The following PLCG2 variants were observed in gnomAD, a reference collection of about 807,000 sequenced individuals.
PLCG2 encodes the protein 1-phosphatidylinositol 4,5-bisphosphate phosphodiesterase gamma-2.
A neutral mutation model predicts 175.6 loss-of-function variants in PLCG2; 69 were observed. The ratio of observed to expected loss-of-function variants is 0.39; its 90% CI spans 0.32 to 0.48. The LOEUF (loss-of-function observed/expected upper bound fraction) is 0.48, where lower values mean the gene tolerates loss of function less well. Ranked by LOEUF, PLCG2 falls within the 20% of genes least tolerant of loss-of-function variation. The pLI is 0.91. For synonymous variants in PLCG2, 827 were observed against 624.0 expected, an observed-to-expected ratio of 1.33 and a Z score of -4.85; for missense variants, 1,798 against 1,650.9, an observed-to-expected ratio of 1.09 and a Z score of -1.54.
chr16:81,783,796 C>G (rs983934077), intron 1 of PLCG2, among the ~76,000 whole-genome samples: 5 of 151,896 alleles, frequency 3.3e-5, no homozygotes, highest in African/African-American at 9.7e-5. Context: ...TTGGGTTTCT[C>G]CTGATAAGGT....
intron 2 of PLCG2, among the ~76,000 whole-genome samples, chr16:81,810,713 A>T (rs2143291816): frequency 6.6e-6 from 1 of 151,146 alleles, no homozygotes; most frequent in South Asian, 2.1e-4. Context: ...TTTCTCATTA[A>T]TTCATTCTTC....
chr16:81,869,512 T>C (rs534747933), intron 6 of PLCG2, among the ~76,000 whole-genome samples: 29 of 152,330 alleles, frequency 1.9e-4, no homozygotes, highest in African/African-American at 7.0e-4. Flanking sequence ...AGACCATGTT[T>C]ACTGAGCTCT....
intron 1 of PLCG2, among the ~76,000 whole-genome samples, chr16:81,753,012 C>G (rs1251642176): frequency 6.6e-6 from 1 of 152,276 alleles, no homozygotes; most frequent in East Asian, 1.9e-4. Context: ...TGGTACACAG[C>G]AAGTGCTTAA....
chr16:81,833,488 T>A (rs2143394806), intron 2 of PLCG2, among the ~76,000 whole-genome samples: 1 of 150,672 alleles, frequency 6.6e-6, no homozygotes, highest in African/African-American at 2.4e-5. Context: ...GGTAAAAGGA[T>A]ACTCCTGCCT....
chr16:81,834,506 G>T (rs939738727), intron 2 of PLCG2, among the ~76,000 whole-genome samples: 1 of 152,166 alleles, frequency 6.6e-6, no homozygotes, highest in Admixed American at 6.6e-5. Flanking sequence ...GATGATAATG[G>T]TAGTTACTTA....
At chr16:81,772,436 G>T (rs978041764) in intron 2 of PLCG2, among the ~76,000 whole-genome samples, 1 of 152,058 alleles carries the variant, frequency 6.6e-6, no homozygotes, top group Non-Finnish European at 1.5e-5. Flanking sequence ...AAGTCACCAA[G>T]TTCATGGTAA....
chr16:81,825,634 G>C (rs191883610), intron 2 of PLCG2, among the ~76,000 whole-genome samples: 1 of 152,178 alleles, frequency 6.6e-6, no homozygotes, highest in Non-Finnish European at 1.5e-5. Flanking sequence ...TAGTAGGTTG[G>C]TGCAAATGTA....
intron 19 of PLCG2, among the ~76,000 whole-genome samples, chr16:81,917,242 T>G (rs1909881207): frequency 6.6e-6 from 1 of 151,804 alleles, no homozygotes; most frequent in Admixed American, 6.6e-5. Context: ...TTTTTTTTTT[T>G]TTTAAAGCAA....
At chr16:81,886,654 A>G (rs1051027648) in intron 9 of PLCG2, among the ~76,000 whole-genome samples, 1 of 152,230 alleles carries the variant, frequency 6.6e-6, no homozygotes, top group Non-Finnish European at 1.5e-5. Context: ...GTATGTTTCT[A>G]GAATCAGTGT....
chr16:81,867,758 C>G (rs1431701285), intron 5 of PLCG2, among the ~76,000 whole-genome samples: 2 of 151,848 alleles, frequency 1.3e-5, no homozygotes, highest in Admixed American at 6.6e-5. Flanking sequence ...AGTGCAGTGG[C>G]GTGATCTCGG....
intron 2 of PLCG2, among the ~76,000 whole-genome samples, chr16:81,815,303 A>G (rs1400607142): frequency 6.6e-6 from 1 of 152,088 alleles, no homozygotes; most frequent in African/African-American, 2.4e-5. Flanking sequence ...CCCAGTCCTC[A>G]CCAAGGGGTC....
intron 19 of PLCG2, among the ~76,000 whole-genome samples, chr16:81,916,913 C>G (rs1189718441): frequency 5.3e-5 from 8 of 152,238 alleles, no homozygotes; most frequent in African/African-American, 1.9e-4. Context: ...GCTGGGATTA[C>G]AGGTGTGAGC....
chr16:81,741,625 C>T (rs1481939844), intron 1 of PLCG2, among the ~76,000 whole-genome samples: 1 of 152,160 alleles, frequency 6.6e-6, no homozygotes, highest in Admixed American at 6.6e-5. Context: ...GCCTGGCCAA[C>T]ATGGTGAAAC....
intron 1 of PLCG2, among the ~76,000 whole-genome samples, chr16:81,755,546 G>C (rs1909904377): frequency 6.6e-6 from 1 of 151,290 alleles, no homozygotes; most frequent in South Asian, 2.1e-4. Context: ...TATTTTTTGA[G>C]ACAGAGTTTC....
At chr16:81,862,125 A>G (rs904195059) in intron 5 of PLCG2, among the ~76,000 whole-genome samples, 12 of 152,154 alleles carry the variant, frequency 7.9e-5, no homozygotes, top group African/African-American at 2.9e-4. Flanking sequence ...TGTCCTGCCA[A>G]TTTCCCTCCC....
chr16:81,880,476 A>T (rs2143566325), intron 7 of PLCG2, among the ~76,000 whole-genome samples: 1 of 152,326 alleles, frequency 6.6e-6, no homozygotes, highest in Admixed American at 6.5e-5. Context: ...ATGTTACAAA[A>T]ATCAAGTGAC....
chr16:81,887,931 T>C (rs943573994), intron 9 of PLCG2, among the ~76,000 whole-genome samples: 2 of 152,236 alleles, frequency 1.3e-5, no homozygotes, highest in African/African-American at 4.8e-5. Context: ...GAACTGGTCA[T>C]GTATATTTCA....
chr16:81,747,338 C>T (rs889376542), intron 1 of PLCG2, among the ~76,000 whole-genome samples: 35 of 152,194 alleles, frequency 2.3e-4, no homozygotes, highest in African/African-American at 8.4e-4. Flanking sequence ...TGTTTGAGAC[C>T]AGCCTGGCCA....
intron 2 of PLCG2, among the ~76,000 whole-genome samples, chr16:81,851,305 G>A (rs552597943): frequency 1.2e-4 from 19 of 152,274 alleles, no homozygotes; most frequent in African/African-American, 2.9e-4. Flanking sequence ...GGACATGGTC[G>A]CTGGTGCAGT....
Sources: allele counts gnomAD v4.1 joint callset (sites outside exome capture counted in the v4.1 genomes callset), GRCh38; gene constraint gnomAD v4.1.1; transcripts MANE v1.5; gene names NCBI Gene and HGNC (gene_info 2026-07-23, HGNC 2026-07-21).